ADAMTSL1: variants seen among roughly 807,000 people sequenced by gnomAD.
ADAMTSL1 encodes ADAMTS like 1.
A neutral mutation model predicts 201.8 loss-of-function variants in ADAMTSL1; 126 were observed. That is an observed-to-expected ratio of 0.62 (90% confidence interval 0.54 to 0.72). ADAMTSL1 has a LOEUF of 0.72. Among genes scored for constraint, ADAMTSL1 ranks in the 30% least tolerant of loss-of-function variants. ADAMTSL1 has a pLI of 0.00. For synonymous variants in ADAMTSL1, 1,121 were observed against 903.4 expected, an observed-to-expected ratio of 1.24 and a Z score of -4.32; for missense variants, 2,679 against 2,277.8, an observed-to-expected ratio of 1.18 and a Z score of -3.59.
chr9:17,959,521 C>T (rs555425649), intron 1 of ADAMTSL1, among the ~76,000 whole-genome samples: 174 of 152,164 alleles, frequency 1.1e-3, no homozygotes, highest in African/African-American at 4.0e-3. Context: ...TGCAGCAGTG[C>T]ATTTTCAGCT....
chr9:18,217,977 C>T (rs1217413305), intron 2 of ADAMTSL1, among the ~76,000 whole-genome samples: 2 of 151,994 alleles, frequency 1.3e-5, no homozygotes, highest in Non-Finnish European at 2.9e-5. Flanking sequence ...TTTTAGCAAC[C>T]ACCAAATTAA....
At chr9:18,093,119 A>T (rs1484986706) in intron 1 of ADAMTSL1, among the ~76,000 whole-genome samples, 1 of 152,186 alleles carries the variant, frequency 6.6e-6, no homozygotes. Context: ...GTAGCAGCCG[A>T]CAAGTACAGA....
intron 16 of ADAMTSL1, among the ~76,000 whole-genome samples, chr9:18,762,691 T>A (rs1820143482): frequency 1.3e-5 from 2 of 151,736 alleles, no homozygotes; most frequent in Admixed American, 1.3e-4. Context: ...TTCCGCTCTC[T>A]ATGTCCATGA....
At chr9:18,900,655 C>T (rs1267251533) in intron 26 of ADAMTSL1, among the ~76,000 whole-genome samples, 2 of 152,030 alleles carry the variant, frequency 1.3e-5, no homozygotes, top group African/African-American at 2.4e-5. Context: ...GCGTTATCCT[C>T]AGCAAACTAA....
chr9:18,418,776 G>A (rs1431076503), intron 2 of ADAMTSL1, among the ~76,000 whole-genome samples: 3 of 152,104 alleles, frequency 2.0e-5, no homozygotes, highest in Non-Finnish European at 4.4e-5. Context: ...CCACAAATTG[G>A]TCTATAGATT....
At chr9:18,064,888 GT>G (rs1434625116) in intron 1 of ADAMTSL1, among the ~76,000 whole-genome samples, 1 of 147,676 alleles carries the variant, frequency 6.8e-6, no homozygotes, top group African/African-American at 2.5e-5. Context: ...ATAAAGTTTG[GT>G]TGTCTATTAT....
intron 1 of ADAMTSL1, among the ~76,000 whole-genome samples, chr9:18,163,059 T>G (rs1827467094): frequency 6.6e-6 from 1 of 152,050 alleles, no homozygotes; most frequent in Admixed American, 6.6e-5. Flanking sequence ...GAACTGATTA[T>G]ACCTTGAATG....
At chr9:18,066,152 A>G (rs1051149408) in intron 1 of ADAMTSL1, among the ~76,000 whole-genome samples, 1 of 152,220 alleles carries the variant, frequency 6.6e-6, no homozygotes, top group Non-Finnish European at 1.5e-5. Flanking sequence ...TCTTGCATAA[A>G]TCCCGAAAAC....
chr9:18,540,102 GAGAA>G (rs1419788679), intron 3 of ADAMTSL1, among the ~76,000 whole-genome samples: 1 of 152,208 alleles, frequency 6.6e-6, no homozygotes, highest in Non-Finnish European at 1.5e-5. Flanking sequence ...CAATGAGAAA[GAGAA>G]AGAGAGAGGG....
intron 1 of ADAMTSL1, among the ~76,000 whole-genome samples, chr9:18,154,815 G>A (rs146122496): frequency 6.2e-4 from 94 of 152,170 alleles, no homozygotes; most frequent in African/African-American, 2.2e-3. Flanking sequence ...AAGAATGCTT[G>A]CTATGCATTA....
chr9:18,397,576 A>C (rs1357282611), intron 2 of ADAMTSL1, among the ~76,000 whole-genome samples: 1 of 152,154 alleles, frequency 6.6e-6, no homozygotes, highest in Non-Finnish European at 1.5e-5. Context: ...TGGTGGAGGA[A>C]AGAAAAACTT....
At chr9:18,566,430 A>G (rs1323061652) in intron 3 of ADAMTSL1, among the ~76,000 whole-genome samples, 1 of 152,230 alleles carries the variant, frequency 6.6e-6, no homozygotes, top group Non-Finnish European at 1.5e-5. Context: ...ATTATCCGAT[A>G]TACTTGTGGG....
intron 14 of ADAMTSL1, among the ~76,000 whole-genome samples, chr9:18,712,596 A>C (rs1832683004): frequency 1.3e-5 from 2 of 151,874 alleles, no homozygotes; most frequent in African/African-American, 4.8e-5. Flanking sequence ...ATATGGGACT[A>C]TGTGAAAAGA....
intron 2 of ADAMTSL1, among the ~76,000 whole-genome samples, chr9:18,288,531 A>T (rs545685702): frequency 6.6e-6 from 1 of 152,322 alleles, no homozygotes; most frequent in East Asian, 1.9e-4. Context: ...GCTGCTTTAG[A>T]CATATGATTT....
chr9:18,010,781 C>T lies in ADAMTSL1; in HGVS notation c.87+103859C>T, dbSNP rs16936214. Among the ~76,000 whole-genome samples the T allele has an allele frequency of 0.016, 2,393 of 152,000 alleles. 217 individuals carry two copies. In the East Asian group the frequency reaches 0.28, roughly 18 times the overall value. On this transcript the variant is annotated intron_variant, in intron 1 of 29. Coordinates refer to the ADAMTSL1 transcript ENST00000680146. ...GGGTATTCTGCGCAATTACCAAACC[C>T]GACACCACCGTGCAATGTAGCCAGA...
upstream of ADAMTSL1, among the ~76,000 whole-genome samples, chr9:18,473,005 G>T (rs1821277647): frequency 6.6e-6 from 1 of 152,190 alleles, no homozygotes; most frequent in Admixed American, 6.5e-5. Flanking sequence ...AGCTTCAGAA[G>T]CTTCCTGACC....
At chr9:18,171,582 C>A (rs1325781615) in intron 2 of ADAMTSL1, among the ~76,000 whole-genome samples, 1 of 152,034 alleles carries the variant, frequency 6.6e-6, no homozygotes, top group Non-Finnish European at 1.5e-5. Context: ...AATATTAGCC[C>A]TTTGTCAGAT....
chr9:18,067,250 C>A (rs1202453009), intron 1 of ADAMTSL1, among the ~76,000 whole-genome samples: 1 of 152,118 alleles, frequency 6.6e-6, no homozygotes. Context: ...TTTGTGCTAA[C>A]TTTCTCGTTG....
intron 1 of ADAMTSL1, among the ~76,000 whole-genome samples, chr9:18,016,070 A>T (rs1046342160): frequency 6.6e-6 from 1 of 152,044 alleles, no homozygotes; most frequent in Admixed American, 6.6e-5. Flanking sequence ...TACAATCTTA[A>T]TAACTTCCTC....
Sources: gnomAD v4.1 joint callset for allele counts (sites outside exome capture counted in the v4.1 genomes callset) on GRCh38, gnomAD v4.1.1 for gene constraint, MANE v1.5 for transcripts, NCBI Gene and HGNC (gene_info 2026-07-23, HGNC 2026-07-21) for gene names.